Variants in CNTN6 observed in about 807,000 individuals in gnomAD.
CNTN6 encodes the protein contactin 6.
CNTN6 carries 137 observed loss-of-function variants against 122.8 expected under a neutral mutation model. The observed-to-expected ratio is 1.12, with a 90% CI of 0.97 to 1.29. The LOEUF is 1.29. Ranked by LOEUF, CNTN6 falls within the 50% of genes most tolerant of loss-of-function variation. The probability of loss-of-function intolerance (pLI) is 0.00; values close to 1 mark genes in which losing one functional copy is unlikely to be tolerated. For synonymous variants in CNTN6, 570 were observed against 426.0 expected, an observed-to-expected ratio of 1.34 and a Z score of -4.16; for missense variants, 1,634 against 1,223.4, an observed-to-expected ratio of 1.34 and a Z score of -5.01.
At chr3:1,180,025 C>A (rs1406342845) in intron 2 of CNTN6, among the ~76,000 whole-genome samples, 2 of 152,178 alleles carry the variant, frequency 1.3e-5, no homozygotes, top group African/African-American at 4.8e-5. Flanking sequence ...AGCTCTCTGA[C>A]TAGTTCAAGA....
chr3:1,215,310 A>T (rs2094114778), intron 2 of CNTN6, among the ~76,000 whole-genome samples: 1 of 152,250 alleles, frequency 6.6e-6, no homozygotes, highest in African/African-American at 2.4e-5. Flanking sequence ...CTATGTTTCT[A>T]ATCCATTACC....
At chr3:1,275,522 A>G (rs1230094480) in intron 4 of CNTN6, among the ~76,000 whole-genome samples, 4 of 152,134 alleles carry the variant, frequency 2.6e-5, no homozygotes, top group Non-Finnish European at 4.4e-5. Context: ...CTCCTAGACA[A>G]CTGTCCACCA....
intron 2 of CNTN6, among the ~76,000 whole-genome samples, chr3:1,160,553 A>G (rs1012308497): frequency 2.7e-5 from 4 of 150,858 alleles, no homozygotes; most frequent in African/African-American, 9.7e-5. Flanking sequence ...TCTACTCATG[A>G]TGGACCTTGG....
intron 4 of CNTN6, among the ~76,000 whole-genome samples, chr3:1,237,978 A>G (rs1046122786): frequency 7.2e-5 from 11 of 152,002 alleles, no homozygotes; most frequent in African/African-American, 2.4e-4. Flanking sequence ...CTATATAACA[A>G]TAACACAATG....
rs146403363 is a variant in CNTN6, at chr3:1,149,528, A to G, written c.55+1465A>G. On this transcript the variant is annotated intron_variant, in intron 2 of 22. Transcript: ENST00000446702. Reference sequence around the variant, plus strand: ...CTAAAATATGCAGAAATCAAACAGGAGAATCAGAAAACCATACAAATAAAA... The same window carrying G: ...CTAAAATATGCAGAAATCAAACAGGGGAATCAGAAAACCATACAAATAAAA... 2.4e-3 allele frequency among the ~76,000 whole-genome samples: 362 copies of G among 152,296 alleles called. 2 individuals are homozygous for G. The highest frequency in any genetic ancestry group is 8.3e-3 in the African/African-American group (344 of 41,570).
At chr3:1,193,956 C>T (rs2093738429) in intron 2 of CNTN6, among the ~76,000 whole-genome samples, 1 of 152,130 alleles carries the variant, frequency 6.6e-6, no homozygotes, top group South Asian at 2.1e-4. Flanking sequence ...GGAAATGCCT[C>T]ATGGCTTTTA....
At chr3:1,099,712 C>T (rs1035675666) in intron 1 of CNTN6, among the ~76,000 whole-genome samples, 1 of 152,114 alleles carries the variant, frequency 6.6e-6, no homozygotes, top group Non-Finnish European at 1.5e-5. Flanking sequence ...TATGTTTCAA[C>T]AAATGTACTT....
At position 1,192,210 on chromosome 3, in the gene CNTN6, T is replaced by C. The variant is rs566866854; in HGVS notation, c.56-28477T>C. Among the ~76,000 whole-genome samples, 15 of 152,298 alleles carry C rather than the reference T, an allele frequency of 9.8e-5. No homozygotes were observed. The South Asian group carries it at 2.3e-3, about 23-fold the overall frequency. ...ACATGGCCAGAAAGCCTTCATTGAT[T>C]CTTTTCTGTAGGGTACCACCAATTC... is the stretch of plus-strand genomic sequence containing the variant. On this transcript the variant is annotated intron_variant, in intron 2 of 22. Coordinates refer to ENST00000446702, the MANE Select transcript of CNTN6 (RefSeq NM_001289080.2).
At chr3:1,178,769 G>T (rs1221032282) in intron 2 of CNTN6, among the ~76,000 whole-genome samples, 1 of 152,110 alleles carries the variant, frequency 6.6e-6, no homozygotes, top group East Asian at 1.9e-4. Flanking sequence ...AGTTGTGCTG[G>T]GTTTGGGTTT....
At chr3:1,340,114 A>G (rs966173013) in intron 11 of CNTN6, among the ~76,000 whole-genome samples, 1 of 152,152 alleles carries the variant, frequency 6.6e-6, no homozygotes, top group Non-Finnish European at 1.5e-5. Context: ...GTTCAGCATC[A>G]TACCGCGATC....
intron 4 of CNTN6, among the ~76,000 whole-genome samples, chr3:1,245,265 ATATATATATACAC>A (rs1559596552): frequency 3.9e-4 from 2 of 5,064 alleles, no homozygotes; most frequent in East Asian, 8.5e-3. Context: ...TAACATATAT[ATATATATATACAC>A]ACACATATAT....
intron 4 of CNTN6, among the ~76,000 whole-genome samples, chr3:1,242,928 C>A (rs988786923): frequency 6.6e-6 from 1 of 151,948 alleles, no homozygotes; most frequent in African/African-American, 2.4e-5. Context: ...GAAACAGGCC[C>A]TTGAAAAGAA....
At chr3:1,220,118 G>A (rs1165562039) in intron 2 of CNTN6, among the ~76,000 whole-genome samples, 1 of 152,154 alleles carries the variant, frequency 6.6e-6, no homozygotes, top group Non-Finnish European at 1.5e-5. Flanking sequence ...CACTTTGGGA[G>A]GCTGAGGTGG....
At position 1,160,344 on chromosome 3, in the gene CNTN6, G is replaced by GTATATATATATATATATATATATATATA. The variant is rs56703431; in HGVS notation, c.55+12305_55+12306insTATATATATATATATATATATATATATA. On this transcript the variant is annotated intron_variant, in intron 2 of 22. Coordinates refer to ENST00000446702, the MANE Select transcript of CNTN6 (RefSeq NM_001289080.2). ...TCTCATCACACAATTTACTTTTACT[G>GTATATATATATATATATATATATATATA]TATATATATATATATATATATATAC... Among the ~76,000 whole-genome samples the GTATATATATATATATATATATATATATA allele has an allele frequency of 4.9e-3, 541 of 110,820 alleles. 12 individuals are homozygous for GTATATATATATATATATATATATATATA. The highest frequency in any genetic ancestry group is 7.9e-3 in the South Asian group (24 of 3,020). 72.7% of individuals were successfully genotyped at this position (110,820 alleles called of 152,430 possible).
chr3:1,222,958 T>A (rs2094228865), intron 3 of CNTN6, among the ~76,000 whole-genome samples: 1 of 152,200 alleles, frequency 6.6e-6, no homozygotes, highest in African/African-American at 2.4e-5. Flanking sequence ...AATGCTTAAA[T>A]GTCAGACTCA....
intron 2 of CNTN6, among the ~76,000 whole-genome samples, chr3:1,215,990 A>G (rs1041028640): frequency 3.9e-5 from 6 of 152,088 alleles, no homozygotes; most frequent in Admixed American, 2.6e-4. Context: ...TTTTCAATGA[A>G]TTGTAGCCAG....
chr3:1,178,181 A>G (rs1031448091), intron 2 of CNTN6, among the ~76,000 whole-genome samples: 1 of 152,060 alleles, frequency 6.6e-6, no homozygotes, highest in East Asian at 1.9e-4. Context: ...GATTACAGGC[A>G]TGAGCCACCA....
chr3:1,093,963 A>G (rs922235713), intron 1 of CNTN6, among the ~76,000 whole-genome samples: 1 of 152,230 alleles, frequency 6.6e-6, no homozygotes, highest in Non-Finnish European at 1.5e-5. Context: ...CATCCTGACT[A>G]TGTCCTCTGA....
At position 1,403,524 on chromosome 3, in the gene CNTN6, A is replaced by G; in HGVS notation, c.*106A>G. 2 of 543,868 alleles carry G rather than the reference A, an allele frequency of 3.7e-6. No individual in the cohort carries two copies. The highest frequency in any genetic ancestry group is 6.3e-6 in the Non-Finnish European group (2 of 316,016). The allele number at this position is 543,868 out of a possible 1,614,324, so 33.7% of individuals were successfully genotyped here. The stretch of plus-strand genomic sequence containing the variant: ...GCGTTCTTAATACAGACTTGTTTGC[A>G]AAGAAAAAAAAAAGTATATTATTAA... On this transcript the variant is annotated 3_prime_UTR_variant, in exon 23 of 23. Transcript: ENST00000446702.
Sources: allele counts gnomAD v4.1 joint callset (sites outside exome capture counted in the v4.1 genomes callset), GRCh38; gene constraint gnomAD v4.1.1; transcripts MANE v1.5; gene names NCBI Gene and HGNC (gene_info 2026-07-23, HGNC 2026-07-21).